ATP8A2: variants seen among roughly 807,000 people sequenced by gnomAD.
ATP8A2 encodes phospholipid-transporting ATPase IB.
In ATP8A2, 100 loss-of-function variants were observed where a neutral mutation model predicts 165.6. That is an observed-to-expected ratio of 0.60 (90% CI 0.51 to 0.71). The LOEUF is 0.71. ATP8A2 is among the 30% of genes least tolerant of loss of function. The pLI is 0.00. For missense variants in ATP8A2, 1,227 were observed against 1,479.5 expected, an observed-to-expected ratio of 0.83 and a Z score of 2.80; for synonymous variants, 543 against 548.8, an observed-to-expected ratio of 0.99 and a Z score of 0.15.
intron 30 of ATP8A2, among the ~76,000 whole-genome samples, chr13:25,859,222 C>T (rs1177071805): frequency 6.6e-6 from 1 of 151,368 alleles, no homozygotes; most frequent in African/African-American, 2.4e-5. Flanking sequence ...CAAAACAAAA[C>T]AAAACAAAAA....
intron 33 of ATP8A2, among the ~76,000 whole-genome samples, chr13:25,890,019 A>G (rs933318582): frequency 1.3e-5 from 2 of 152,018 alleles, no homozygotes; most frequent in African/African-American, 2.4e-5. Flanking sequence ...AAAATTAGCC[A>G]GGCGTGGTGG....
intron 24 of ATP8A2, chr13:25,591,233 A>G (rs750492467): frequency 2.2e-6 from 1 of 456,328 alleles, no homozygotes; most frequent in South Asian, 1.6e-5. Context: ...TTGTGTAACC[A>G]TCACCACTAT....
intron 1 of ATP8A2, among the ~76,000 whole-genome samples, chr13:25,431,481 T>G (rs988676653): frequency 6.7e-6 from 1 of 150,140 alleles, no homozygotes; most frequent in Admixed American, 6.7e-5. Context: ...TGAATTCTAA[T>G]AGTAACTTTT....
intron 2 of ATP8A2, among the ~76,000 whole-genome samples, chr13:25,469,917 A>G (rs4770838): frequency 0.013 from 1,918 of 152,322 alleles, 24 homozygotes; most frequent in Middle Eastern, 0.02. Flanking sequence ...TTTCAGGCTT[A>G]AACAACTTTG....
intron 30 of ATP8A2, among the ~76,000 whole-genome samples, chr13:25,853,396 A>AATATATATATATATATATATAT (rs1555278503): frequency 9.3e-6 from 1 of 107,868 alleles, no homozygotes; most frequent in African/African-American, 3.5e-5. Flanking sequence ...ATCTAAAAAA[A>AATATATATATATATATATATAT]ATATATATAT....
chr13:25,489,082 T>C (rs1375658844), intron 2 of ATP8A2, among the ~76,000 whole-genome samples: 1 of 152,046 alleles, frequency 6.6e-6, no homozygotes, highest in Non-Finnish European at 1.5e-5. Context: ...CAGTCTCTCG[T>C]GTCTCCACCT....
At chr13:25,936,628 C>T (rs767347395) in intron 33 of ATP8A2, among the ~76,000 whole-genome samples, 2 of 152,168 alleles carry the variant, frequency 1.3e-5, no homozygotes, top group South Asian at 2.1e-4. Flanking sequence ...CGTAAGCATC[C>T]GAGTAGAATC....
At chr13:25,657,414 G>A (rs925499823) in intron 24 of ATP8A2, among the ~76,000 whole-genome samples, 3 of 152,128 alleles carry the variant, frequency 2.0e-5, no homozygotes, top group African/African-American at 7.2e-5. Flanking sequence ...TGCCTGGGGG[G>A]GTGAGACAGC....
chr13:25,769,274 A>G, intron 26 of ATP8A2, 45 bp downstream of exon 26: 1 of 1,561,462 alleles, frequency 6.4e-7, no homozygotes, highest in Non-Finnish European at 8.7e-7. Context: ...TTGAGAGATG[A>G]TAGCTGGGCA....
intron 27 of ATP8A2, among the ~76,000 whole-genome samples, chr13:25,778,135 C>G (rs569739342): frequency 1.3e-5 from 2 of 152,278 alleles, no homozygotes; most frequent in South Asian, 4.2e-4. Flanking sequence ...CCATTCCCTG[C>G]ACTGATAAAC....
intron 36 of ATP8A2, among the ~76,000 whole-genome samples, chr13:26,017,177 C>T (rs888897650): frequency 2.6e-5 from 4 of 152,140 alleles, no homozygotes; most frequent in Non-Finnish European, 5.9e-5. Context: ...CTGTTCTTTA[C>T]TCAGAACCAC....
At chr13:25,694,278 A>T (rs2042789501) in intron 24 of ATP8A2, among the ~76,000 whole-genome samples, 1 of 152,038 alleles carries the variant, frequency 6.6e-6, no homozygotes, top group South Asian at 2.1e-4. Context: ...AGAGATTTTT[A>T]TTCCTCACTC....
chr13:25,565,580 G>GT (rs1211397117), intron 16 of ATP8A2, among the ~76,000 whole-genome samples: 20 of 152,014 alleles, frequency 1.3e-4, no homozygotes, highest in Admixed American at 3.9e-4. Flanking sequence ...GAGATTGTTT[G>GT]TTTTTTTCTT....
chr13:25,538,907 G>T (rs955109306), intron 7 of ATP8A2, among the ~76,000 whole-genome samples: 9 of 152,122 alleles, frequency 5.9e-5, no homozygotes, highest in African/African-American at 2.2e-4. Flanking sequence ...CTCCAGGCCT[G>T]TGGAGGGGGA....
chr13:25,641,875 A>G (rs1296761174), intron 24 of ATP8A2, among the ~76,000 whole-genome samples: 1 of 151,858 alleles, frequency 6.6e-6, no homozygotes, highest in African/African-American at 2.4e-5. Flanking sequence ...AGTAACCAAA[A>G]CAGCATGGTA....
intron 1 of ATP8A2, among the ~76,000 whole-genome samples, chr13:25,384,637 A>AT (rs536366257): frequency 6.6e-6 from 1 of 151,584 alleles, no homozygotes; most frequent in East Asian, 1.9e-4. Context: ...TTCAACAATT[A>AT]TTTTTTTTCT....
At chr13:25,373,730 A>G (rs1242082412) in intron 1 of ATP8A2, among the ~76,000 whole-genome samples, 1 of 152,216 alleles carries the variant, frequency 6.6e-6, no homozygotes, top group Non-Finnish European at 1.5e-5. Flanking sequence ...TTTTGCGGTA[A>G]GGGAGGGTGT....
chr13:25,812,115 A>G (rs1950889716), intron 27 of ATP8A2, among the ~76,000 whole-genome samples: 2 of 151,892 alleles, frequency 1.3e-5, no homozygotes, highest in Admixed American at 6.6e-5. Context: ...TGTTCATTGT[A>G]GGGCTAAAAA....
rs765115743 is a variant in ATP8A2, at chr13:25,468,945, T to C, written c.77-32T>C. On this transcript the variant is annotated intron_variant, in intron 1 of 36. Coordinates refer to ENST00000381655, the MANE Select transcript of ATP8A2 (RefSeq NM_016529.6). ...CCGCCTGGCGGTTGACTTCTTTGTG[T>C]CGTATTCTCTGCCTGCGCCCTGTCT... 3 of 1,611,214 alleles carry C rather than the reference T, an allele frequency of 1.9e-6. No individual in the cohort carries two copies. The South Asian group carries it at 3.3e-5, about 18-fold the overall frequency.
Sources: allele counts gnomAD v4.1 joint callset (sites outside exome capture counted in the v4.1 genomes callset), GRCh38; gene constraint gnomAD v4.1.1; transcripts MANE v1.5; gene names NCBI Gene and HGNC (gene_info 2026-07-23, HGNC 2026-07-21).